The following KLC1 variants were observed in gnomAD, a reference collection of about 807,000 sequenced individuals.
KLC1 encodes kinesin 2 60/70kDa.
In KLC1, 30 loss-of-function variants were observed where a neutral mutation model predicts 84.2. The ratio of observed to expected loss-of-function variants is 0.36; its 90% CI spans 0.27 to 0.48. The LOEUF is 0.48. KLC1 is among the 20% of genes least tolerant of loss of function. KLC1 has a pLI of 0.99. For synonymous variants in KLC1, 289 were observed against 293.3 expected, an observed-to-expected ratio of 0.99 and a Z score of 0.15; for missense variants, 499 against 805.4, an observed-to-expected ratio of 0.62 and a Z score of 4.60.
chr14:103,648,343 A>T (rs1352987498), intron 1 of KLC1, among the ~76,000 whole-genome samples: 1 of 152,168 alleles, frequency 6.6e-6, no homozygotes, highest in African/African-American at 2.4e-5. Flanking sequence ...ATTTATTTTG[A>T]TTTATTTTTT....
intron 1 of KLC1, among the ~76,000 whole-genome samples, chr14:103,639,547 A>G (rs539347741): frequency 1.5e-4 from 23 of 151,450 alleles, no homozygotes; most frequent in African/African-American, 4.9e-4. Context: ...GGCTCAAACA[A>G]TCCTCCCACC....
intron 16 of KLC1, 53 bp downstream of exon 16, chr14:103,700,780 A>G: frequency 7.1e-7 from 1 of 1,409,402 alleles, no homozygotes; most frequent in Non-Finnish European, 9.7e-7. Context: ...CCAGGGAGGG[A>G]CTTTGCACAT....
chr14:103,630,818 G>A (rs1470291399), intron 1 of KLC1, among the ~76,000 whole-genome samples: 2 of 152,220 alleles, frequency 1.3e-5, no homozygotes, highest in Non-Finnish European at 2.9e-5. Flanking sequence ...TAAAGAGCCA[G>A]TGTCTCTCCA....
chr14:103,660,802 C>CAATA (rs147358285), intron 3 of KLC1, among the ~76,000 whole-genome samples: 3,669 of 151,096 alleles, frequency 0.024, 65 homozygotes, highest in Middle Eastern at 0.034. Context: ...GAAAAACAAG[C>CAATA]AATAAATAAA....
intron 9 of KLC1, 102 bp from the exon 10 acceptor site, chr14:103,675,450 A>T: frequency 1.1e-6 from 1 of 922,712 alleles, no homozygotes; most frequent in Non-Finnish European, 1.7e-6. Context: ...AAACTTTTCG[A>T]GTGCCGACTT....
At chr14:103,643,939 G>C (rs1343724035) in intron 1 of KLC1, among the ~76,000 whole-genome samples, 1 of 151,942 alleles carries the variant, frequency 6.6e-6, no homozygotes, top group Non-Finnish European at 1.5e-5. Context: ...AAGTTGGCTG[G>C]GCACGGTGGC....
chr14:103,663,978 AAG>A (rs746519975), intron 5 of KLC1, among the ~76,000 whole-genome samples: 4 of 152,190 alleles, frequency 2.6e-5, no homozygotes, highest in Admixed American at 2.6e-4. Flanking sequence ...ACACACAAAT[AAG>A]AAAGTAAGCC....
At chr14:103,685,890 T>G (rs757949972) in intron 13 of KLC1, 1 of 1,141,142 alleles carries the variant, frequency 8.8e-7, no homozygotes, top group East Asian at 6.6e-5. Flanking sequence ...ATCCATTTAC[T>G]GTGTAATACA....
chr14:103,654,487 AT>A (rs1204106027), intron 1 of KLC1, 76 bp from the exon 2 acceptor site: 2 of 1,234,768 alleles, frequency 1.6e-6, no homozygotes, highest in African/African-American at 3.1e-5. Context: ...TAATTAAAAA[AT>A]TTTCATATTT....
At chr14:103,695,311 G>A (rs1595589165) in intron 15 of KLC1, 4 of 684,414 alleles carry the variant, frequency 5.8e-6, no homozygotes, top group Non-Finnish European at 7.1e-6. Context: ...AAAAAACCAT[G>A]TGTATATATA....
intron 1 of KLC1, among the ~76,000 whole-genome samples, chr14:103,635,107 T>G (rs1196040139): frequency 1.3e-5 from 2 of 152,262 alleles, no homozygotes; most frequent in Non-Finnish European, 2.9e-5. Context: ...AAGTGCTATC[T>G]GAACTTAAAG....
chr14:103,645,836 C>T (rs1201753535), intron 1 of KLC1, among the ~76,000 whole-genome samples: 2 of 151,300 alleles, frequency 1.3e-5, no homozygotes, highest in East Asian at 3.9e-4. Flanking sequence ...CAGCTCACTG[C>T]AAGTTCCGCC....
intron 1 of KLC1, among the ~76,000 whole-genome samples, chr14:103,651,083 C>T (rs1451867401): frequency 2.6e-5 from 4 of 152,132 alleles, no homozygotes; most frequent in African/African-American, 9.7e-5. Flanking sequence ...GATCTCCGCT[C>T]ACTGCAACCT....
At chr14:103,658,428 GTTTTT>G (rs536826342) in intron 3 of KLC1, among the ~76,000 whole-genome samples, 1 of 91,232 alleles carries the variant, frequency 1.1e-5, no homozygotes, top group African/African-American at 4.9e-5. Context: ...GCCCAGCTAA[GTTTTT>G]TTTTTTTTTT....
In KLC1 at chr14:103,694,208, C is replaced by T. The variant is rs186758075; in HGVS notation, c.1848+1783C>T. On this transcript the variant is annotated intron_variant, in intron 15 of 16. Transcript: ENST00000334553. The surrounding 1 kb of genome is among the most constrained non-coding windows in gnomAD (Gnocchi z 4.5). Reference sequence around the variant, plus strand: ...TGCCCCCTTTTGAGCTGTGTTCTCCCGGACGCCCCTGCACACGAAGCCCAT... The same window carrying T: ...TGCCCCCTTTTGAGCTGTGTTCTCCTGGACGCCCCTGCACACGAAGCCCAT... The T allele has an allele frequency of 1.9e-5, 19 of 984,934 alleles. No homozygotes were observed. The highest frequency in any genetic ancestry group is 5.2e-4 in the Middle Eastern group (1 of 1,912). 61.0% of individuals were successfully genotyped at this position (984,934 alleles called of 1,614,324 possible). A position where few individuals can be genotyped will look rare whatever the true frequency, so the allele number is the denominator to read the frequency against.
At chr14:103,698,728 C>T (rs933179879) in intron 15 of KLC1, 37 of 1,396,076 alleles carry the variant, frequency 2.7e-5, no homozygotes, top group African/African-American at 5.7e-5. Flanking sequence ...CCCAGGCAGA[C>T]GCGTTTTAAA....
intron 13 of KLC1, among the ~76,000 whole-genome samples, chr14:103,680,223 A>ACCATGTGGCCTT (rs961454520): frequency 2.0e-5 from 3 of 150,676 alleles, no homozygotes; most frequent in Non-Finnish European, 4.4e-5. Flanking sequence ...GTTGCCAAAG[A>ACCATGTGGCCTT]CCATGTGGCC....
intron 15 of KLC1, chr14:103,696,525 G>A (rs1191421626): frequency 3.0e-6 from 3 of 985,302 alleles, no homozygotes; most frequent in Non-Finnish European, 3.6e-6. Context: ...GAATTTTCTT[G>A]GAGGATGTCA....
At chr14:103,649,545 A>C (rs2078227198) in intron 1 of KLC1, among the ~76,000 whole-genome samples, 1 of 142,136 alleles carries the variant, frequency 7.0e-6, no homozygotes, top group South Asian at 2.3e-4. Flanking sequence ...CCTGGGCAAC[A>C]TGGTGAGACC....
Sources: gnomAD v4.1 joint callset for allele counts (sites outside exome capture counted in the v4.1 genomes callset) on GRCh38, gnomAD v4.1.1 for gene constraint, Gnocchi (gnomAD v3.1) non-coding constraint, MANE v1.5 for transcripts, NCBI Gene and HGNC (gene_info 2026-07-23, HGNC 2026-07-21) for gene names.